UNC13C: variants seen among roughly 807,000 people sequenced by gnomAD.
The protein encoded by UNC13C is unc-13 homolog C, also known as protein unc-13 homolog C.
UNC13C carries 174 observed loss-of-function variants against 245.4 expected under a neutral mutation model. That is an observed-to-expected ratio of 0.71 (90% CI 0.63 to 0.80). The LOEUF is 0.80. Ranked by LOEUF, UNC13C falls within the 30% of genes least tolerant of loss-of-function variation. The probability of loss-of-function intolerance (pLI) is 0.00; values close to 1 mark genes in which losing one functional copy is unlikely to be tolerated. For missense variants in UNC13C, 2,829 were observed against 2,602.9 expected (o/e 1.09, Z -1.89); for synonymous variants, 992 against 895.1 (o/e 1.11, Z -1.93).
the UNC13C span, among the ~76,000 whole-genome samples, chr15:53,919,269 G>C: frequency 6.6e-6 from 1 of 152,170 alleles, no homozygotes; most frequent in Non-Finnish European, 1.5e-5. Context: ...CTAATCCGTA[G>C]GGTTGTTGTG....
At chr15:54,347,936 C>A (rs966698798) in intron 17 of UNC13C, among the ~76,000 whole-genome samples, 1 of 152,060 alleles carries the variant, frequency 6.6e-6, no homozygotes, top group African/African-American at 2.4e-5. Context: ...ATTTGTGATA[C>A]AGTCTTTATC....
Position 53,984,066 on chromosome 15 carries a change from A to G in UNC13C, c.-257+5139A>G, listed in dbSNP as rs112237305. 5.5e-3 allele frequency among the ~76,000 whole-genome samples: 843 copies of G among 152,170 alleles called. 10 individuals are homozygous for G. The highest frequency in any genetic ancestry group is 0.02 in the African/African-American group (812 of 41,530). ...ATCTGTATGATTCTTTTCTCTGAGC[A>G]TCTGTTCTGCATACTACTGCCAAAT... On this transcript the variant is annotated intron_variant, in intron 1 of 32. Transcript: ENST00000260323.
chr15:54,011,554 T>TA (rs1895382297), intron 1 of UNC13C, among the ~76,000 whole-genome samples: 1 of 152,210 alleles, frequency 6.6e-6, no homozygotes, highest in Non-Finnish European at 1.5e-5. Flanking sequence ...CATAGGAGTA[T>TA]AAAAAATGCT....
chr15:54,398,984 A>G (rs1311830450), intron 18 of UNC13C, among the ~76,000 whole-genome samples: 1 of 151,484 alleles, frequency 6.6e-6, no homozygotes, highest in Non-Finnish European at 1.5e-5. Flanking sequence ...TTCTTCTGTT[A>G]GTGAAGATAA....
chr15:54,448,497 CT>C (rs1890963288), intron 19 of UNC13C, among the ~76,000 whole-genome samples: 1 of 152,154 alleles, frequency 6.6e-6, no homozygotes, highest in African/African-American at 2.4e-5. Flanking sequence ...GTTAGCTCTT[CT>C]TGTTGAATTG....
Position 54,015,787 on chromosome 15 carries a change from A to T in UNC13C, c.2884A>T (p.Ile962Phe). 2 of 1,612,310 alleles carry T rather than the reference A, an allele frequency of 1.2e-6. No individual in the cohort carries two copies. Among genetic ancestry groups the T allele is most frequent in the Non-Finnish European group, 1.7e-6 (2 of 1,179,018 alleles). The change falls in exon 2 of 33, where the codon ATC (isoleucine) becomes TTC (phenylalanine). Residue 962 changes from isoleucine to phenylalanine, a missense_variant. Transcript: ENST00000260323. ...NQNIPEQPVE[I>F]TKPKRIRPSF... ...AAACATTCCTGAACAGCCAGTGGAG[A>T]TCACAAAGCCAAAGAGAATTCGTCC...
At chr15:54,400,000 A>G (rs2040149548) in intron 18 of UNC13C, among the ~76,000 whole-genome samples, 1 of 151,958 alleles carries the variant, frequency 6.6e-6, no homozygotes, top group South Asian at 2.1e-4. Context: ...CTGTATATCC[A>G]TTATTCAAAT....
intron 17 of UNC13C, among the ~76,000 whole-genome samples, chr15:54,382,158 G>A (rs1252948531): frequency 1.3e-5 from 2 of 152,000 alleles, no homozygotes; most frequent in African/African-American, 4.8e-5. Flanking sequence ...TGGATCAATA[G>A]GAAAATTAAG....
At chr15:53,934,242 C>T in the UNC13C span, among the ~76,000 whole-genome samples, 1 of 152,192 alleles carries the variant, frequency 6.6e-6, no homozygotes, top group Admixed American at 6.5e-5. Flanking sequence ...CCACAAGACC[C>T]CAACTCCAAC....
chr15:53,890,388 G>T, the UNC13C span, among the ~76,000 whole-genome samples: 1 of 152,080 alleles, frequency 6.6e-6, no homozygotes. Context: ...TGATCCACCC[G>T]CCATGGCCTC....
At chr15:54,600,425 A>C (rs1899347835) in intron 30 of UNC13C, among the ~76,000 whole-genome samples, 1 of 152,092 alleles carries the variant, frequency 6.6e-6, no homozygotes, top group Admixed American at 6.6e-5. Flanking sequence ...CTGTATTCAG[A>C]GTATAGGGGA....
At chr15:54,561,600 A>G (rs571840790) in intron 29 of UNC13C, among the ~76,000 whole-genome samples, 5 of 152,124 alleles carry the variant, frequency 3.3e-5, no homozygotes. Context: ...GGACTTAACT[A>G]GGTGTTTGCA....
intron 4 of UNC13C, among the ~76,000 whole-genome samples, chr15:54,184,417 C>T (rs1358441201): frequency 6.6e-6 from 1 of 152,054 alleles, no homozygotes; most frequent in African/African-American, 2.4e-5. Flanking sequence ...TCCCTCCCCG[C>T]TTCCCCCACC....
At chr15:54,138,953 A>ATTTTTTTTTTTTGTTTTTTTTTTT (rs2031873413) in intron 2 of UNC13C, among the ~76,000 whole-genome samples, 1 of 48,632 alleles carries the variant, frequency 2.1e-5, no homozygotes, top group Non-Finnish European at 3.5e-5. Context: ...ATTTCCCCTA[A>ATTTTTTTTTTTTGTTTTTTTTTTT]TTTTTTTTTT....
Position 54,498,021 on chromosome 15 carries a change from T to A in UNC13C, c.5061-2058T>A, listed in dbSNP as rs924149845. On this transcript the variant is annotated intron_variant, in intron 20 of 32. Coordinates refer to ENST00000260323, the MANE Select transcript of UNC13C (RefSeq NM_001080534.3). Reference sequence around the variant, plus strand: ...TAAATAACTATCTGGAGATTATGCTTCTTCAGCAATGAATTGAAAAACCAG... The same window carrying A: ...TAAATAACTATCTGGAGATTATGCTACTTCAGCAATGAATTGAAAAACCAG... 2.0e-5 allele frequency among the ~76,000 whole-genome samples: 3 copies of A among 152,092 alleles called. No individual in the cohort carries two copies. In the South Asian group the frequency reaches 6.2e-4, roughly 32 times the overall value.
chr15:53,853,857 T>TA, the UNC13C span, among the ~76,000 whole-genome samples: 9 of 152,174 alleles, frequency 5.9e-5, no homozygotes, highest in Non-Finnish European at 8.8e-5. Flanking sequence ...TTTTTTCTTG[T>TA]AAATTTGTTT....
intron 4 of UNC13C, among the ~76,000 whole-genome samples, chr15:54,218,971 A>G (rs1040729250): frequency 1.3e-5 from 2 of 152,104 alleles, no homozygotes; most frequent in African/African-American, 4.8e-5. Context: ...ATGGAAGAAC[A>G]TTCCATGCTC....
chr15:54,385,869 C>A (rs944786458), intron 17 of UNC13C, among the ~76,000 whole-genome samples: 6 of 152,146 alleles, frequency 3.9e-5, no homozygotes, highest in African/African-American at 1.4e-4. Context: ...AAAAAGAATG[C>A]TCTAAAACTG....
chr15:54,204,528 A>C (rs769597926), intron 4 of UNC13C, among the ~76,000 whole-genome samples: 2 of 151,998 alleles, frequency 1.3e-5, no homozygotes, highest in African/African-American at 2.4e-5. Context: ...CCAGATATAA[A>C]GTATCAAATT....
Sources: allele counts gnomAD v4.1 joint callset (sites outside exome capture counted in the v4.1 genomes callset), GRCh38; gene constraint gnomAD v4.1.1; transcripts MANE v1.5; gene names NCBI Gene and HGNC (gene_info 2026-07-23, HGNC 2026-07-21).